Variants in ATF6 observed in about 807,000 individuals in gnomAD.
ATF6 encodes the protein cyclic AMP-dependent transcription factor ATF-6 alpha.
In ATF6, 53 loss-of-function variants were observed where a neutral mutation model predicts 83.6. That is an observed-to-expected ratio of 0.63 (90% CI 0.51 to 0.80). The LOEUF (loss-of-function observed/expected upper bound fraction) is 0.80, where lower values mean the gene tolerates loss of function less well. Among genes scored for constraint, ATF6 ranks in the 30% least tolerant of loss-of-function variants. The pLI is 0.00. For missense variants in ATF6, 744 were observed against 797.9 expected (o/e 0.93, Z 0.81); for synonymous variants, 288 against 285.8 (o/e 1.01, Z -0.08).
chr1:161,811,512 G>A (rs990332153), intron 7 of ATF6, among the ~76,000 whole-genome samples: 1 of 151,970 alleles, frequency 6.6e-6, no homozygotes, highest in Non-Finnish European at 1.5e-5. Context: ...TATTGTATGG[G>A]TACACATGTT....
At chr1:161,851,905 T>A in intron 11 of ATF6, 70 bp downstream of exon 11, 1 of 1,111,518 alleles carries the variant, frequency 9.0e-7, no homozygotes, top group African/African-American at 1.5e-5. Flanking sequence ...CCTAGACAAG[T>A]AATTGGTCAA....
intron 7 of ATF6, among the ~76,000 whole-genome samples, chr1:161,812,185 G>A (rs1685481681): frequency 6.6e-6 from 1 of 151,970 alleles, no homozygotes; most frequent in Non-Finnish European, 1.5e-5. Context: ...AAATGAATCA[G>A]GGCCCTGAGG....
rs374093774 is a variant in ATF6 at position 161,791,484 on chromosome 1, C to T, written c.431C>T (p.Ser144Leu). ...LYGENSNSLS[S>L]AEPLKEDKPV... ...GGTGAAAACTCTAATAGTCTCTCTT[C>T]AGCGGAGCCACTGAAGGAAGATAAG... The change falls in exon 5 of 16, where the codon TCA becomes TTA. Residue 144 changes from serine to leucine, a missense_variant. By Grantham distance (145) the Ser-to-Leu change is moderately radical. Transcript: ENST00000367942. The T allele has an allele frequency of 2.4e-5, 39 of 1,612,860 alleles. No homozygotes were observed. The Admixed American group carries it at 4.5e-4, about 19-fold the overall frequency.
At chr1:161,807,859 T>C (rs1685332103) in intron 7 of ATF6, among the ~76,000 whole-genome samples, 1 of 143,784 alleles carries the variant, frequency 7.0e-6, no homozygotes, top group South Asian at 2.1e-4. Flanking sequence ...CTTTTTAGTT[T>C]GTCATCTTTT....
chr1:161,810,975 T>G (rs1685440708), intron 7 of ATF6, among the ~76,000 whole-genome samples: 1 of 152,212 alleles, frequency 6.6e-6, no homozygotes, highest in African/African-American at 2.4e-5. Flanking sequence ...TTCTATTATA[T>G]GGATATACCA....
chr1:161,853,725 C>T (rs1482234240), intron 12 of ATF6, among the ~76,000 whole-genome samples: 1 of 152,200 alleles, frequency 6.6e-6, no homozygotes, highest in Non-Finnish European at 1.5e-5. Context: ...GAAATGAAGA[C>T]ATCCATTTCT....
intron 15 of ATF6, among the ~76,000 whole-genome samples, chr1:161,937,119 T>G (rs967553457): frequency 1.3e-5 from 2 of 152,162 alleles, no homozygotes; most frequent in African/African-American, 4.8e-5. Context: ...TTCTTTAGTC[T>G]TTTTAAAATA....
intron 14 of ATF6, among the ~76,000 whole-genome samples, chr1:161,883,590 G>A (rs577886975): frequency 1.3e-5 from 2 of 152,078 alleles, no homozygotes; most frequent in South Asian, 2.1e-4. Context: ...TTAGATAGGA[G>A]CCACATGACT....
At chr1:161,827,952 C>A (rs1685944781) in intron 9 of ATF6, among the ~76,000 whole-genome samples, 1 of 152,098 alleles carries the variant, frequency 6.6e-6, no homozygotes, top group Non-Finnish European at 1.5e-5. Flanking sequence ...AGCTGGCCCA[C>A]TCTGGGTGGT....
chr1:161,862,366 C>T (rs1371682453), intron 13 of ATF6, among the ~76,000 whole-genome samples: 1 of 152,102 alleles, frequency 6.6e-6, no homozygotes, highest in Non-Finnish European at 1.5e-5. Flanking sequence ...AAAAATGAAG[C>T]ATTTTTACAG....
At chr1:161,836,230 G>A (rs1686209839) in intron 9 of ATF6, among the ~76,000 whole-genome samples, 1 of 152,178 alleles carries the variant, frequency 6.6e-6, no homozygotes, top group South Asian at 2.1e-4. Flanking sequence ...TTCTTATCCT[G>A]AGATGAGCTT....
intron 9 of ATF6, among the ~76,000 whole-genome samples, chr1:161,839,375 T>A (rs1361289470): frequency 6.6e-6 from 1 of 152,160 alleles, no homozygotes; most frequent in Non-Finnish European, 1.5e-5. Flanking sequence ...ATTTTTAATT[T>A]TTTTTGAGGC....
intron 9 of ATF6, among the ~76,000 whole-genome samples, chr1:161,835,049 C>G (rs999419511): frequency 6.6e-6 from 1 of 152,054 alleles, no homozygotes; most frequent in African/African-American, 2.4e-5. Flanking sequence ...AATGTATAAC[C>G]TGAATTGTCT....
intron 13 of ATF6, 151 bp downstream of exon 13, chr1:161,860,428 A>G (rs930734942): frequency 2.9e-5 from 7 of 239,206 alleles, no homozygotes; most frequent in Admixed American, 5.6e-5. Flanking sequence ...ATATATGTAT[A>G]TATATATATA....
intron 11 of ATF6, 112 bp downstream of exon 11, chr1:161,851,947 T>G: frequency 2.6e-6 from 2 of 764,470 alleles, no homozygotes. Flanking sequence ...ATCTCTGAAT[T>G]ATTTGTGGAT....
At chr1:161,781,776 C>T in intron 2 of ATF6, 136 bp from the exon 3 acceptor site, 1 of 569,484 alleles carries the variant, frequency 1.8e-6, no homozygotes, top group South Asian at 2.2e-5. Flanking sequence ...TCATACAAGA[C>T]TGACTTAGAG....
chr1:161,926,404 G>A (rs1271849830), intron 15 of ATF6, among the ~76,000 whole-genome samples: 2 of 152,106 alleles, frequency 1.3e-5, no homozygotes, highest in Non-Finnish European at 2.9e-5. Context: ...GCTGTTGACT[G>A]GGGCTGAAGA....
Position 161,790,548 on chromosome 1 carries a change from G to A in ATF6, c.355-860G>A, listed in dbSNP as rs576298611. Among the ~76,000 whole-genome samples the A allele has an allele frequency of 1.7e-4, 26 of 152,154 alleles. No homozygotes were observed. The South Asian group carries it at 5.4e-3, about 32-fold the overall frequency. ...CTGTTGGCTGGGTGGGGTGGTTCAC[G>A]CCTGTAATCCCAGCACGTTGGGAGG... is the stretch of plus-strand genomic sequence containing the variant. On this transcript the variant is annotated intron_variant, in intron 4 of 15. Coordinates refer to ENST00000367942, the MANE Select transcript of ATF6 (RefSeq NM_007348.4).
intron 10 of ATF6, among the ~76,000 whole-genome samples, chr1:161,846,831 C>T (rs1686496807): frequency 6.6e-6 from 1 of 151,778 alleles, no homozygotes; most frequent in African/African-American, 2.4e-5. Flanking sequence ...CATTAATATA[C>T]ATATTGAAAT....
Sources: allele counts gnomAD v4.1 joint callset (sites outside exome capture counted in the v4.1 genomes callset), GRCh38; gene constraint gnomAD v4.1.1; transcripts MANE v1.5; gene names NCBI Gene and HGNC (gene_info 2026-07-23, HGNC 2026-07-21).